The following ZNF385B variants were observed in gnomAD, a reference collection of about 807,000 sequenced individuals.
The protein encoded by ZNF385B is zinc finger protein 385B, also known as zinc finger protein 533.
A neutral mutation model predicts 39.2 loss-of-function variants in ZNF385B; 23 were observed. The ratio of observed to expected loss-of-function variants is 0.59; its 90% CI spans 0.42 to 0.83. The LOEUF (loss-of-function observed/expected upper bound fraction) is 0.83, where lower values mean the gene tolerates loss of function less well. Among genes scored for constraint, ZNF385B ranks in the 40% least tolerant of loss-of-function variants. ZNF385B has a pLI of 0.00. For missense variants in ZNF385B, 552 were observed against 598.9 expected, an observed-to-expected ratio of 0.92 and a Z score of 0.82; for synonymous variants, 205 against 222.6, an observed-to-expected ratio of 0.92 and a Z score of 0.70.
At chr2:179,695,903 T>C (rs1268111767) in intron 3 of ZNF385B, among the ~76,000 whole-genome samples, 2 of 152,232 alleles carry the variant, frequency 1.3e-5, no homozygotes, top group Admixed American at 6.5e-5. Context: ...ATGTGGTATA[T>C]GTATACAATG....
intron 1 of ZNF385B, among the ~76,000 whole-genome samples, chr2:179,791,507 T>C (rs1383365817): frequency 6.6e-6 from 1 of 152,198 alleles, no homozygotes; most frequent in Non-Finnish European, 1.5e-5. Context: ...CATTCTGTTT[T>C]AGCTAATTAA....
At chr2:179,831,295 T>C (rs373239163) in intron 1 of ZNF385B, among the ~76,000 whole-genome samples, 1 of 152,170 alleles carries the variant, frequency 6.6e-6, no homozygotes, top group Admixed American at 6.5e-5. Flanking sequence ...CCTTATGAGG[T>C]AGGTATCCTT....
chr2:179,569,514 A>G (rs527416167), intron 3 of ZNF385B, among the ~76,000 whole-genome samples: 3 of 152,336 alleles, frequency 2.0e-5, no homozygotes, highest in Non-Finnish European at 4.4e-5. Context: ...CTGTGAAAAC[A>G]GCATAATTTT....
chr2:179,648,637 A>G (rs905060159), intron 3 of ZNF385B, among the ~76,000 whole-genome samples: 2 of 152,146 alleles, frequency 1.3e-5, no homozygotes, highest in Non-Finnish European at 2.9e-5. Flanking sequence ...GGCTGACATC[A>G]GGGCTGGGAT....
At chr2:179,650,701 C>T (rs1441158392) in intron 3 of ZNF385B, among the ~76,000 whole-genome samples, 1 of 152,086 alleles carries the variant, frequency 6.6e-6, no homozygotes, top group Admixed American at 6.6e-5. Context: ...ATTTCATTGC[C>T]TTTATCAGAA....
chr2:179,668,108 C>G (rs1044727826), intron 3 of ZNF385B, among the ~76,000 whole-genome samples: 1 of 152,166 alleles, frequency 6.6e-6, no homozygotes, highest in Non-Finnish European at 1.5e-5. Flanking sequence ...ATCATCCTAT[C>G]CATAAGTCAA....
chr2:179,493,484 T>G lies in ZNF385B; in HGVS notation c.553-10050A>C, dbSNP rs528188853. On this transcript the variant is annotated intron_variant, in intron 5 of 9. Transcript: ENST00000410066. ...GTACATATATGCATGTGTACACATA[T>G]GTATAAACGTGTGTGTACATATATG... Among the ~76,000 whole-genome samples, 31 of 51,858 alleles carry G rather than the reference T, an allele frequency of 6.0e-4. 1 individual carries two copies. The highest frequency in any genetic ancestry group is 1.7e-3 in the African/African-American group (31 of 18,376). 34.0% of individuals were successfully genotyped at this position (51,858 alleles called of 152,430 possible).
chr2:179,742,125 C>T (rs899227587), intron 3 of ZNF385B, among the ~76,000 whole-genome samples: 4 of 152,068 alleles, frequency 2.6e-5, no homozygotes, highest in African/African-American at 9.7e-5. Context: ...ATTTAATGTG[C>T]TGCCTTTATT....
chr2:179,493,647 G>GCATATA (rs1559335931), intron 5 of ZNF385B, among the ~76,000 whole-genome samples: 157 of 105,462 alleles, frequency 1.5e-3, no homozygotes, highest in African/African-American at 4.2e-3. Flanking sequence ...ATACACATAT[G>GCATATA]CGTATACATA....
Position 179,493,447 on chromosome 2 carries a change from G to A in ZNF385B, c.553-10013C>T, listed in dbSNP as rs182960315. Among the ~76,000 whole-genome samples, 52 of 150,594 alleles carry A rather than the reference G, an allele frequency of 3.5e-4. 1 individual carries two copies. Among genetic ancestry groups the A allele is most frequent in the Admixed American group, 8.0e-4 (12 of 15,090 alleles). On this transcript the variant is annotated intron_variant, in intron 5 of 9. Transcript: ENST00000410066. ...TGTACATATATGTACGTATATGCATGTGTACATGTGTGTACATATATGCAT... is the reference window on the plus strand; with the variant it reads ...TGTACATATATGTACGTATATGCATATGTACATGTGTGTACATATATGCAT...
At chr2:179,797,530 A>T (rs989053835) in intron 1 of ZNF385B, among the ~76,000 whole-genome samples, 15 of 152,210 alleles carry the variant, frequency 9.9e-5, no homozygotes, top group African/African-American at 3.6e-4. Flanking sequence ...ATAAGGTCCA[A>T]ATAGTTCAGT....
rs796385113 is a variant in ZNF385B at position 179,731,736 on chromosome 2, G to A, written c.298+37767C>T. Reference sequence around the variant, plus strand: ...CAGGAGTTCAAGGAAGCAGTGAGCTGTGATTGTGCCATGGCACTCCCACGT... The same window carrying A: ...CAGGAGTTCAAGGAAGCAGTGAGCTATGATTGTGCCATGGCACTCCCACGT... On this transcript the variant is annotated intron_variant, in intron 3 of 9. Coordinates refer to ENST00000410066, the MANE Select transcript of ZNF385B (RefSeq NM_152520.6). Among the ~76,000 whole-genome samples the A allele has an allele frequency of 5.3e-5, 8 of 152,316 alleles. 1 individual carries two copies. Among genetic ancestry groups the A allele is most frequent in the African/African-American group, 1.9e-4 (8 of 41,576 alleles).
chr2:179,469,032 G>A (rs540721726), intron 6 of ZNF385B, among the ~76,000 whole-genome samples: 103 of 152,314 alleles, frequency 6.8e-4, no homozygotes, highest in African/African-American at 2.2e-3. Flanking sequence ...CGTTGTTAAA[G>A]CGGGCTTTAT....
At chr2:179,452,786 A>G (rs1373987342) in intron 6 of ZNF385B, among the ~76,000 whole-genome samples, 1 of 152,196 alleles carries the variant, frequency 6.6e-6, no homozygotes, top group Admixed American at 6.6e-5. Flanking sequence ...CATCTAGAAT[A>G]AAAGTTGGTA....
rs987707846 is a variant in ZNF385B, at chr2:179,841,747, C to G, written c.-155+19354G>C. ...TGAGAGCCACTGGTTTAGGTAAAAT[C>G]CTAGAGAGAATTTCTTCCTATCCTA... is the stretch of plus-strand genomic sequence containing the variant. On this transcript the variant is annotated intron_variant, in intron 1 of 9. Transcript: ENST00000410066. Among the ~76,000 whole-genome samples the G allele has an allele frequency of 3.9e-5, 6 of 152,236 alleles. 1 individual carries two copies. In the South Asian group the frequency reaches 1.2e-3, roughly 32 times the overall value.
chr2:179,483,526 G>A (rs1312406247), intron 5 of ZNF385B, 92 bp from the exon 6 acceptor site: 11 of 1,523,426 alleles, frequency 7.2e-6, no homozygotes, highest in Non-Finnish European at 9.0e-6. Flanking sequence ...TCTATCATAG[G>A]CACCACAGAC....
At chr2:179,459,403 T>C (rs2051046959) in intron 6 of ZNF385B, among the ~76,000 whole-genome samples, 2 of 152,312 alleles carry the variant, frequency 1.3e-5, no homozygotes, top group East Asian at 3.9e-4. Context: ...GAAATTAATA[T>C]CATTTCACCA....
At chr2:179,504,447 G>A (rs1468954849) in intron 5 of ZNF385B, among the ~76,000 whole-genome samples, 5 of 152,192 alleles carry the variant, frequency 3.3e-5, no homozygotes, top group Middle Eastern at 3.4e-3. Context: ...CTGAGGAATC[G>A]CCACACTGAC....
intron 5 of ZNF385B, among the ~76,000 whole-genome samples, chr2:179,488,311 A>AT (rs1419779782): frequency 2.6e-5 from 4 of 151,982 alleles, no homozygotes; most frequent in African/African-American, 9.7e-5. Flanking sequence ...CGCCCGGCTA[A>AT]TTTTTTTGTA....
Sources: allele counts gnomAD v4.1 joint callset (sites outside exome capture counted in the v4.1 genomes callset), GRCh38; gene constraint gnomAD v4.1.1; transcripts MANE v1.5; gene names NCBI Gene and HGNC (gene_info 2026-07-23, HGNC 2026-07-21).